MYO5A: variants seen among roughly 807,000 people sequenced by gnomAD.
The protein encoded by MYO5A is myosin VA, also known as unconventional myosin-Va.
MYO5A carries 98 observed loss-of-function variants against 249.7 expected under a neutral mutation model. That is an observed-to-expected ratio of 0.39 (90% confidence interval 0.33 to 0.46). The LOEUF (loss-of-function observed/expected upper bound fraction) is 0.46. MYO5A is among the 20% of genes least tolerant of loss of function. The pLI, the probability that MYO5A is intolerant of heterozygous loss-of-function variation, is 0.98. For synonymous variants in MYO5A, 778 were observed against 810.6 expected (o/e 0.96, Z 0.68); for missense variants, 1,696 against 2,308.8 (o/e 0.73, Z 5.44).
intron 1 of MYO5A, among the ~76,000 whole-genome samples, chr15:52,510,420 C>A (rs1475365063): frequency 6.6e-6 from 1 of 152,174 alleles, no homozygotes; most frequent in Non-Finnish European, 1.5e-5. Flanking sequence ...TTTTGGAAAT[C>A]TTTAACCTTA....
intron 36 of MYO5A, among the ~76,000 whole-genome samples, chr15:52,327,604 G>A (rs2038672468): frequency 6.6e-6 from 1 of 152,214 alleles, no homozygotes; most frequent in Admixed American, 6.5e-5. Context: ...ATACTTGGGA[G>A]GCTGAGCTGA....
At chr15:52,399,512 A>C (rs554817261) in intron 9 of MYO5A, among the ~76,000 whole-genome samples, 10 of 152,256 alleles carry the variant, frequency 6.6e-5, no homozygotes, top group African/African-American at 2.4e-4. Context: ...TTTGGCCTCA[A>C]AGTCTATTTT....
At chr15:52,372,886 G>C (rs960113665) in intron 20 of MYO5A, among the ~76,000 whole-genome samples, 2 of 151,988 alleles carry the variant, frequency 1.3e-5, no homozygotes, top group African/African-American at 2.4e-5. Flanking sequence ...ATGAGGACAC[G>C]GGGTATGGGC....
At chr15:52,488,889 G>T (rs4776051) in intron 1 of MYO5A, among the ~76,000 whole-genome samples, 22,865 of 152,116 alleles carry the variant, frequency 0.15, 1,832 homozygotes, top group Middle Eastern at 0.22. Context: ...TTCTTAAAAC[G>T]CAAAACTCTC....
intron 24 of MYO5A, among the ~76,000 whole-genome samples, chr15:52,363,164 T>C (rs2040622497): frequency 6.6e-6 from 1 of 152,076 alleles, no homozygotes; most frequent in South Asian, 2.1e-4. Flanking sequence ...TGTCATCTAA[T>C]AAATAGAGTG....
intron 1 of MYO5A, among the ~76,000 whole-genome samples, chr15:52,467,483 G>A (rs2141436117): frequency 6.6e-6 from 1 of 152,220 alleles, no homozygotes; most frequent in South Asian, 2.1e-4. Context: ...AGACAAAAGT[G>A]AGGAAAAAAG....
chr15:52,508,978 T>TC (rs2077333672), intron 1 of MYO5A, among the ~76,000 whole-genome samples: 2 of 149,316 alleles, frequency 1.3e-5, no homozygotes, highest in African/African-American at 2.4e-5. Flanking sequence ...TTTTTGTAAT[T>TC]TTTTTTTTTT....
chr15:52,319,299 C>G lies in MYO5A; in HGVS notation c.4995G>C (p.Gly1665=). The G allele has an allele frequency of 6.2e-7, 1 of 1,614,202 alleles. No homozygotes were observed. The highest frequency in any genetic ancestry group is 1.7e-5 in the Admixed American group (1 of 60,022). The change falls in exon 39 of 42, where the codon GGG becomes GGC. Residue 1665 remains glycine (G), a synonymous_variant. Coordinates refer to ENST00000399233, the MANE Select transcript of MYO5A (RefSeq NM_001382347.1). ...LEHETIQGVS[G]VKPTGLRKRT... is the part of the protein sequence containing the mutation. ...GCTTTCTCAACCCTGTGGGCTTCAC[C>G]CCAGACACGCCCTGAATCGTTTCAT...
chr15:52,463,960 T>C (rs1347023332), intron 1 of MYO5A, among the ~76,000 whole-genome samples: 1 of 152,226 alleles, frequency 6.6e-6, no homozygotes, highest in Non-Finnish European at 1.5e-5. Context: ...TTAGACTGTA[T>C]ATACAATTAC....
At chr15:52,443,557 A>C (rs1190593885) in intron 1 of MYO5A, among the ~76,000 whole-genome samples, 2 of 151,774 alleles carry the variant, frequency 1.3e-5, no homozygotes, top group Non-Finnish European at 2.9e-5. Context: ...CTAAAAACAC[A>C]AAAATTAGCT....
At chr15:52,505,698 C>G in intron 1 of MYO5A, 1 of 1,297,882 alleles carries the variant, frequency 7.7e-7, no homozygotes, top group Non-Finnish European at 1.1e-6. Flanking sequence ...ACGTCTTAGT[C>G]TGGGACTCAT....
intron 1 of MYO5A, among the ~76,000 whole-genome samples, chr15:52,525,255 T>C (rs540614873): frequency 6.6e-6 from 1 of 152,244 alleles, no homozygotes; most frequent in African/African-American, 2.4e-5. Context: ...CATTGAATAG[T>C]ACACTTTAAA....
chr15:52,510,703 T>C (rs988543749), intron 1 of MYO5A, among the ~76,000 whole-genome samples: 2 of 152,118 alleles, frequency 1.3e-5, no homozygotes, highest in African/African-American at 4.8e-5. Flanking sequence ...GGTGAAACAG[T>C]TTCACCCCAA....
At chr15:52,489,408 C>T (rs1176279030) in intron 1 of MYO5A, among the ~76,000 whole-genome samples, 1 of 151,784 alleles carries the variant, frequency 6.6e-6, no homozygotes, top group East Asian at 1.9e-4. Context: ...ACTAAAAATA[C>T]AAAAAATTAG....
intron 36 of MYO5A, among the ~76,000 whole-genome samples, chr15:52,325,408 C>CTTTT (rs1209313890): frequency 1.4e-5 from 2 of 139,482 alleles, no homozygotes; most frequent in Non-Finnish European, 1.6e-5. Flanking sequence ...AAGCCCCCCA[C>CTTTT]TTTTTTTTTT....
intron 1 of MYO5A, among the ~76,000 whole-genome samples, chr15:52,454,863 A>G (rs2076088315): frequency 6.6e-6 from 1 of 152,158 alleles, no homozygotes; most frequent in South Asian, 2.1e-4. Flanking sequence ...TGCCTACATC[A>G]AAAAAGTAAA....
chr15:52,414,883 C>T (rs1245378385), intron 5 of MYO5A, among the ~76,000 whole-genome samples: 1 of 152,204 alleles, frequency 6.6e-6, no homozygotes, highest in Non-Finnish European at 1.5e-5. Flanking sequence ...TCACTACTCT[C>T]TTTCGGTGCA....
At chr15:52,495,514 G>A (rs1370615806) in intron 1 of MYO5A, among the ~76,000 whole-genome samples, 4 of 152,090 alleles carry the variant, frequency 2.6e-5, no homozygotes, top group African/African-American at 9.7e-5. Context: ...ACAATATATT[G>A]TATATCTGAA....
chr15:52,317,183 C>T lies in MYO5A; in HGVS notation c.5274G>A (p.Lys1758=), dbSNP rs759908660. The T allele has an allele frequency of 5.0e-6, 8 of 1,613,922 alleles. No homozygotes were observed. Among genetic ancestry groups the T allele is most frequent in the Non-Finnish European group, 6.8e-6 (8 of 1,180,016 alleles). The change falls in exon 40 of 42, where the codon AAG becomes AAA. Residue 1758 remains lysine, a synonymous_variant. Transcript: ENST00000399233. ...VSQLEEWLRD[K]NLMNSGAKET... ...CTTTAGCCCCACTATTCATCAGATT[C>T]TTGTCACGCAGCCATTCTTCCAGTT...
Sources: gnomAD v4.1 joint callset for allele counts (sites outside exome capture counted in the v4.1 genomes callset) on GRCh38, gnomAD v4.1.1 for gene constraint, MANE v1.5 for transcripts, NCBI Gene and HGNC (gene_info 2026-07-23, HGNC 2026-07-21) for gene names.